WDR37: variants seen among roughly 807,000 people sequenced by gnomAD.
The protein encoded by WDR37 is WD repeat domain 37, also known as WD repeat-containing protein 37.
A neutral mutation model predicts 62.9 loss-of-function variants in WDR37; 19 were observed. That is an observed-to-expected ratio of 0.30 (90% CI 0.21 to 0.44). The LOEUF is 0.44. Ranked by LOEUF, WDR37 falls within the 20% of genes least tolerant of loss-of-function variation. WDR37 has a pLI of 1.00. For missense variants in WDR37, 474 were observed against 657.6 expected, an observed-to-expected ratio of 0.72 and a Z score of 3.05; for synonymous variants, 250 against 260.9, an observed-to-expected ratio of 0.96 and a Z score of 0.40.
rs554547796 is a variant in WDR37, at chr10:1,124,959, C to T, written c.1288C>T (p.Arg430Ter). 8 of 1,614,080 alleles carry T rather than the reference C, an allele frequency of 5.0e-6. No homozygotes were observed. The highest frequency in any genetic ancestry group is 5.9e-6 in the Non-Finnish European group (7 of 1,180,044). ...QKIIALPHDNRQVRLFDMSGV... is the reference protein window; with the variant it reads ...QKIIALPHDN ...AATCATAGCCCTCCCCCATGACAAC[C>T]GACAAGTGAGACTGTTTGATATGTC... is the stretch of plus-strand genomic sequence containing the variant. The change falls in exon 13 of 14, where the codon CGA becomes TGA. Residue 430 changes from arginine to a stop codon, truncating the protein, a stop_gained. Transcript: ENST00000263150. LOFTEE classifies it high-confidence loss of function.
At position 1,131,915 on chromosome 10, in the gene WDR37, T is replaced by C. The variant is rs996286804; in HGVS notation, c.*2571T>C. The C allele has an allele frequency of 1.3e-5, 2 of 152,654 alleles. No individual in the cohort carries two copies. The highest frequency in any genetic ancestry group is 6.5e-5 in the Admixed American group (1 of 15,268). 9.5% of individuals were successfully genotyped at this position (152,654 alleles called of 1,614,324 possible). ...CCATGCTGTTGGGCAAAGCAACTCT[T>C]TTTCAACCACTGCTCATCAGTTTCT... is the stretch of plus-strand genomic sequence containing the variant. On this transcript the variant is annotated 3_prime_UTR_variant, in exon 14 of 14. Coordinates refer to ENST00000263150, the MANE Select transcript of WDR37 (RefSeq NM_014023.4).
intron 1 of WDR37, among the ~76,000 whole-genome samples, chr10:1,060,282 G>C (rs1335651759): frequency 5.3e-5 from 8 of 152,184 alleles, no homozygotes; most frequent in African/African-American, 1.9e-4. Context: ...CTGTTGTTCT[G>C]ACTGCTTACA....
intron 7 of WDR37, 88 bp downstream of exon 7, chr10:1,086,445 A>G (rs951818869): frequency 1.9e-6 from 2 of 1,031,086 alleles, no homozygotes; most frequent in Admixed American, 1.9e-5. Context: ...GCCAGCTGCT[A>G]CTGTGTAGGA....
chr10:1,065,609 A>T (rs1833514166), intron 1 of WDR37, among the ~76,000 whole-genome samples: 1 of 152,162 alleles, frequency 6.6e-6, no homozygotes, highest in Non-Finnish European at 1.5e-5. Context: ...GCTACTAGGA[A>T]AAAAACATGA....
At chr10:1,082,675 G>A (rs1277586309) in intron 5 of WDR37, among the ~76,000 whole-genome samples, 6 of 152,178 alleles carry the variant, frequency 3.9e-5, no homozygotes, top group Admixed American at 1.3e-4. Flanking sequence ...AGGAAAAAGA[G>A]TTAAGGTAAT....
At position 1,129,577 on chromosome 10, in the gene WDR37, G is replaced by A. The variant is rs1377021816; in HGVS notation, c.*233G>A. 1 of 482,962 alleles carries A rather than the reference G, an allele frequency of 2.1e-6. No homozygotes were observed. The highest frequency in any genetic ancestry group is 2.0e-5 in the African/African-American group (1 of 51,034). 29.9% of individuals were successfully genotyped at this position (482,962 alleles called of 1,614,324 possible). A position where few individuals can be genotyped will look rare whatever the true frequency, so the allele number is the denominator to read the frequency against. On this transcript the variant is annotated 3_prime_UTR_variant, in exon 14 of 14. Coordinates refer to ENST00000263150, the MANE Select transcript of WDR37 (RefSeq NM_014023.4). ...TATATTGGGTCCTCTGGGCAGTAGAGGCAAAGCTCACCTCCCATGTAGCAC... is the reference window on the plus strand; with the variant it reads ...TATATTGGGTCCTCTGGGCAGTAGAAGCAAAGCTCACCTCCCATGTAGCAC...
chr10:1,100,401 GAAA>G (rs1398481127), intron 9 of WDR37, among the ~76,000 whole-genome samples: 2 of 151,936 alleles, frequency 1.3e-5, no homozygotes, highest in Non-Finnish European at 2.9e-5. Flanking sequence ...ACTACTGGAT[GAAA>G]TGAGGCTCCT....
At chr10:1,092,053 G>A (rs955741935) in intron 7 of WDR37, among the ~76,000 whole-genome samples, 1 of 151,664 alleles carries the variant, frequency 6.6e-6, no homozygotes, top group Non-Finnish European at 1.5e-5. Flanking sequence ...GTTGGCGGGC[G>A]CCTGTGGTCC....
At chr10:1,118,403 T>C (rs1397745281) in intron 11 of WDR37, among the ~76,000 whole-genome samples, 1 of 149,854 alleles carries the variant, frequency 6.7e-6, no homozygotes, top group Non-Finnish European at 1.5e-5. Flanking sequence ...CAGCCAGCTC[T>C]GTTTGAAGTC....
At chr10:1,126,732 C>T (rs569101938) in intron 13 of WDR37, among the ~76,000 whole-genome samples, 3 of 152,158 alleles carry the variant, frequency 2.0e-5, no homozygotes, top group Non-Finnish European at 4.4e-5. Flanking sequence ...CAGGGAGGCA[C>T]GTGCGAAAGT....
rs1225954265 is a variant in WDR37, at chr10:1,083,793, G to C, written c.397-610G>C. On this transcript the variant is annotated intron_variant, in intron 5 of 13. Transcript: ENST00000263150. ...TCCAAAAGGCCAGGGGCCTACGGCC[G>C]CGCTGCCCTGCATCCTCATAGCTGG... is the stretch of plus-strand genomic sequence containing the variant. 2.0e-5 allele frequency among the ~76,000 whole-genome samples: 3 copies of C among 152,336 alleles called. No homozygotes were observed. In the South Asian group the frequency reaches 6.2e-4, roughly 32 times the overall value.
intron 13 of WDR37, among the ~76,000 whole-genome samples, chr10:1,127,226 T>C (rs1024502571): frequency 6.6e-6 from 1 of 152,230 alleles, no homozygotes; most frequent in Non-Finnish European, 1.5e-5. Flanking sequence ...TTCTGAATGG[T>C]TCTTCTTGGC....
chr10:1,125,221 GT>G (rs962100671), intron 13 of WDR37, 197 bp downstream of exon 13: 16,701 of 469,610 alleles, frequency 0.036, no homozygotes, highest in Non-Finnish European at 0.042. Flanking sequence ...CTACTTCAGT[GT>G]TTTTTTTTTT....
At chr10:1,097,572 G>A (rs1194969257) in intron 9 of WDR37, among the ~76,000 whole-genome samples, 2 of 152,200 alleles carry the variant, frequency 1.3e-5, no homozygotes, top group Non-Finnish European at 2.9e-5. Flanking sequence ...CCTTGGTTTC[G>A]AAGTGTGGGA....
At chr10:1,114,412 T>A (rs1835320796) in intron 11 of WDR37, among the ~76,000 whole-genome samples, 1 of 152,210 alleles carries the variant, frequency 6.6e-6, no homozygotes, top group African/African-American at 2.4e-5. Flanking sequence ...GCCATCAGCA[T>A]CGAGGCAGGA....
chr10:1,068,103 G>C (rs1833608671), intron 1 of WDR37, among the ~76,000 whole-genome samples: 1 of 152,110 alleles, frequency 6.6e-6, no homozygotes, highest in South Asian at 2.1e-4. Flanking sequence ...AGGATGAGAA[G>C]AGAGTTAAAA....
At chr10:1,101,787 T>C (rs1053635325) in intron 9 of WDR37, among the ~76,000 whole-genome samples, 56 of 152,218 alleles carry the variant, frequency 3.7e-4, no homozygotes, top group Admixed American at 2.8e-3. Flanking sequence ...ACTTAACCTT[T>C]CCTTTCCTCA....
chr10:1,059,938 A>G (rs1253429279), intron 1 of WDR37, among the ~76,000 whole-genome samples: 1 of 150,772 alleles, frequency 6.6e-6, no homozygotes, highest in Non-Finnish European at 1.5e-5. Context: ...TCCACCTCCC[A>G]GGGTGGAGCA....
intron 5 of WDR37, among the ~76,000 whole-genome samples, chr10:1,082,069 G>A (rs1834044818): frequency 6.6e-6 from 1 of 152,170 alleles, no homozygotes; most frequent in African/African-American, 2.4e-5. Flanking sequence ...TATAGCCTTT[G>A]CACACTGCCC....
Sources: gnomAD v4.1 joint callset for allele counts (sites outside exome capture counted in the v4.1 genomes callset) on GRCh38, gnomAD v4.1.1 for gene constraint, MANE v1.5 for transcripts, NCBI Gene and HGNC (gene_info 2026-07-23, HGNC 2026-07-21) for gene names.